The following ROBO1 variants were observed in gnomAD, a reference collection of about 807,000 sequenced individuals.
The protein encoded by ROBO1 is roundabout guidance receptor 1.
A neutral mutation model predicts 195.9 loss-of-function variants in ROBO1; 149 were observed. The ratio of observed to expected loss-of-function variants is 0.76; its 90% CI spans 0.67 to 0.87. The LOEUF (loss-of-function observed/expected upper bound fraction) is 0.87. ROBO1 is among the 40% of genes least tolerant of loss of function. ROBO1 has a pLI of 0.00. For missense variants in ROBO1, 1,933 were observed against 2,068.3 expected (o/e 0.93, Z 1.27); for synonymous variants, 816 against 733.2 (o/e 1.11, Z -1.82).
At chr3:79,665,415 T>C (rs1292158056) in intron 1 of ROBO1, among the ~76,000 whole-genome samples, 1 of 151,926 alleles carries the variant, frequency 6.6e-6, no homozygotes, top group Non-Finnish European at 1.5e-5. Flanking sequence ...CATAAAAACA[T>C]ATATTTTCAG....
chr3:78,792,966 T>C (rs2084068434), intron 4 of ROBO1, among the ~76,000 whole-genome samples: 1 of 151,512 alleles, frequency 6.6e-6, no homozygotes, highest in African/African-American at 2.4e-5. Flanking sequence ...ATCCAGGCAT[T>C]GTGGCAAGTG....
intron 2 of ROBO1, among the ~76,000 whole-genome samples, chr3:79,173,764 T>C (rs1250601902): frequency 6.6e-6 from 1 of 152,108 alleles, no homozygotes; most frequent in Non-Finnish European, 1.5e-5. Context: ...CGGGATCCAC[T>C]GGGTAAAGTC....
intron 3 of ROBO1, among the ~76,000 whole-genome samples, chr3:78,991,023 G>A (rs1326216902): frequency 1.3e-5 from 2 of 152,102 alleles, no homozygotes; most frequent in Non-Finnish European, 2.9e-5. Flanking sequence ...CATTAGCACT[G>A]TATTCCAACC....
At chr3:79,633,184 T>A (rs1245255376) in intron 1 of ROBO1, among the ~76,000 whole-genome samples, 2 of 147,934 alleles carry the variant, frequency 1.4e-5, no homozygotes, top group Admixed American at 6.8e-5. Flanking sequence ...TTGCTGGGTT[T>A]TTTTTTTTTT....
chr3:79,469,374 G>A (rs972038959), intron 2 of ROBO1, among the ~76,000 whole-genome samples: 8 of 152,162 alleles, frequency 5.3e-5, no homozygotes, highest in Admixed American at 1.3e-4. Flanking sequence ...TAGAAGCCAC[G>A]ATGGTGGTGG....
At chr3:79,373,235 A>G (rs553434433) in intron 2 of ROBO1, among the ~76,000 whole-genome samples, 172 of 152,254 alleles carry the variant, frequency 1.1e-3, no homozygotes, top group African/African-American at 4.0e-3. Flanking sequence ...ACTTAAATGT[A>G]TTTCATGCTT....
intron 4 of ROBO1, among the ~76,000 whole-genome samples, chr3:78,934,041 A>C (rs555515522): frequency 3.9e-5 from 6 of 152,176 alleles, no homozygotes; most frequent in African/African-American, 1.4e-4. Flanking sequence ...CAAATTCAAA[A>C]TAAAGTAAGA....
chr3:79,457,013 T>A (rs1375556562), intron 2 of ROBO1, among the ~76,000 whole-genome samples: 1 of 152,186 alleles, frequency 6.6e-6, no homozygotes, highest in Non-Finnish European at 1.5e-5. Context: ...AAAATATTTG[T>A]ACTCCGAAGA....
intron 2 of ROBO1, among the ~76,000 whole-genome samples, chr3:79,301,527 A>C (rs1014210682): frequency 1.3e-5 from 2 of 152,196 alleles, no homozygotes; most frequent in Non-Finnish European, 2.9e-5. Flanking sequence ...GCTTACTTCC[A>C]GTGTTTCAAC....
At chr3:79,535,774 T>C (rs1445521121) in intron 2 of ROBO1, among the ~76,000 whole-genome samples, 1 of 103,422 alleles carries the variant, frequency 9.7e-6, no homozygotes, top group African/African-American at 3.6e-5. Context: ...GCAAAAATCT[T>C]TGACCATCAA....
chr3:78,827,621 G>C (rs1367169766), intron 4 of ROBO1, among the ~76,000 whole-genome samples: 1 of 152,180 alleles, frequency 6.6e-6, no homozygotes, highest in African/African-American at 2.4e-5. Flanking sequence ...TCTGTAGAGA[G>C]ATTCATTTTA....
At chr3:79,019,905 G>T (rs767053162) in intron 3 of ROBO1, among the ~76,000 whole-genome samples, 2 of 152,098 alleles carry the variant, frequency 1.3e-5, no homozygotes, top group Admixed American at 1.3e-4. Context: ...AGGACAGGAG[G>T]TAAACAGAGA....
chr3:79,431,656 A>C (rs2038684930), intron 2 of ROBO1, among the ~76,000 whole-genome samples: 1 of 152,172 alleles, frequency 6.6e-6, no homozygotes, highest in African/African-American at 2.4e-5. Flanking sequence ...TTATTTGCAA[A>C]GATGTTTCTT....
At chr3:78,899,574 A>C (rs2037460238) in intron 4 of ROBO1, among the ~76,000 whole-genome samples, 1 of 152,218 alleles carries the variant, frequency 6.6e-6, no homozygotes, top group African/African-American at 2.4e-5. Context: ...ATTTTTAAAC[A>C]ACCATAAATA....
intron 1 of ROBO1, among the ~76,000 whole-genome samples, chr3:79,603,644 G>T (rs1315015424): frequency 6.6e-6 from 1 of 152,016 alleles, no homozygotes; most frequent in Non-Finnish European, 1.5e-5. Flanking sequence ...AAACCACTGA[G>T]ATTGGTCTAA....
intron 2 of ROBO1, among the ~76,000 whole-genome samples, chr3:79,392,089 T>C (rs1049767890): frequency 1.3e-5 from 2 of 152,142 alleles, no homozygotes; most frequent in Admixed American, 1.3e-4. Context: ...GGGAAAAAAG[T>C]GGAGCTGAAG....
chr3:78,705,950 A>G (rs2107976909), intron 8 of ROBO1, among the ~76,000 whole-genome samples: 1 of 152,156 alleles, frequency 6.6e-6, no homozygotes, highest in Middle Eastern at 3.4e-3. Flanking sequence ...TTATCTCTAT[A>G]TGCTATTGAG....
chr3:79,611,455 T>C (rs1944654438), intron 1 of ROBO1, among the ~76,000 whole-genome samples: 1 of 151,980 alleles, frequency 6.6e-6, no homozygotes, highest in Non-Finnish European at 1.5e-5. Context: ...AATATGAGAA[T>C]AAGAAAGAAT....
At chr3:79,084,509 A>G (rs2079332781) in intron 3 of ROBO1, among the ~76,000 whole-genome samples, 1 of 152,204 alleles carries the variant, frequency 6.6e-6, no homozygotes, top group South Asian at 2.1e-4. Context: ...AAAAAAGAGA[A>G]TAATAAAACA....
Sources: gnomAD v4.1 joint callset for allele counts (sites outside exome capture counted in the v4.1 genomes callset) on GRCh38, gnomAD v4.1.1 for gene constraint, MANE v1.5 for transcripts, NCBI Gene and HGNC (gene_info 2026-07-23, HGNC 2026-07-21) for gene names.